Variants in SRPK2 observed in about 807,000 individuals in gnomAD.
SRPK2 encodes the protein SFRS protein kinase 2.
In SRPK2, 21 loss-of-function variants were observed where a neutral mutation model predicts 90.8. The observed-to-expected ratio is 0.23, with a 90% CI of 0.16 to 0.33. The LOEUF (loss-of-function observed/expected upper bound fraction) is 0.33, where lower values mean the gene tolerates loss of function less well. Ranked by LOEUF, SRPK2 falls within the 10% of genes least tolerant of loss-of-function variation. The pLI is 1.00. For synonymous variants in SRPK2, 288 were observed against 311.1 expected, an observed-to-expected ratio of 0.93 and a Z score of 0.78; for missense variants, 620 against 869.0, an observed-to-expected ratio of 0.71 and a Z score of 3.60.
intron 2 of SRPK2, chr7:105,302,173 G>A: frequency 2.1e-6 from 2 of 936,114 alleles, no homozygotes; most frequent in South Asian, 2.8e-5. Context: ...TGGTATTGAG[G>A]TGGCTTTTTA....
At chr7:105,247,128 C>T (rs541313826) in intron 2 of SRPK2, among the ~76,000 whole-genome samples, 13 of 152,270 alleles carry the variant, frequency 8.5e-5, no homozygotes, top group African/African-American at 2.6e-4. Flanking sequence ...GGCTTTTTAA[C>T]GACTGCACAA....
At chr7:105,311,994 T>C (rs556591417) in intron 2 of SRPK2, among the ~76,000 whole-genome samples, 62 of 152,336 alleles carry the variant, frequency 4.1e-4, no homozygotes, top group African/African-American at 1.3e-3. Flanking sequence ...GTGGTACATA[T>C]ATACAATGTA....
intron 10 of SRPK2, 64 bp downstream of exon 10, chr7:105,143,020 T>G: frequency 1.3e-6 from 2 of 1,561,262 alleles, no homozygotes; most frequent in Admixed American, 2.0e-5. Flanking sequence ...CATGTTGACC[T>G]GGCAGAACCC....
chr7:105,190,163 CT>C (rs760463804), intron 3 of SRPK2, among the ~76,000 whole-genome samples: 1 of 152,214 alleles, frequency 6.6e-6, no homozygotes. Flanking sequence ...CCTCTGGCGA[CT>C]TCCAGATCCA....
intron 11 of SRPK2, among the ~76,000 whole-genome samples, chr7:105,135,697 G>A (rs946625155): frequency 6.6e-6 from 1 of 151,950 alleles, no homozygotes; most frequent in Non-Finnish European, 1.5e-5. Flanking sequence ...CTCAGGAGCT[G>A]CTTAATTCAA....
At chr7:105,248,899 C>T (rs1256921347) in intron 2 of SRPK2, among the ~76,000 whole-genome samples, 1 of 150,972 alleles carries the variant, frequency 6.6e-6, no homozygotes, top group Non-Finnish European at 1.5e-5. Flanking sequence ...GCACTCCAGC[C>T]TGGGTGACAG....
intron 15 of SRPK2, among the ~76,000 whole-genome samples, chr7:105,118,823 A>G (rs980303549): frequency 2.0e-5 from 3 of 152,126 alleles, no homozygotes; most frequent in Non-Finnish European, 4.4e-5. Context: ...AGGCAGGAGC[A>G]TTGCTTGAGT....
Position 105,293,581 on chromosome 7 carries a change from G to A in SRPK2, c.72-89796C>T, listed in dbSNP as rs562368410. Among the ~76,000 whole-genome samples, 4 of 150,590 alleles carry A rather than the reference G, an allele frequency of 2.7e-5. No homozygotes were observed. The South Asian group carries it at 6.3e-4, about 24-fold the overall frequency. ...ACTACAGGAACCCACCATCACACTC[G>A]GCTGATTGTTGTATTTTTAGTAGAG... On this transcript the variant is annotated intron_variant, in intron 2 of 15. Coordinates refer to ENST00000393651, the MANE Select transcript of SRPK2 (RefSeq NM_182692.3).
intron 2 of SRPK2, among the ~76,000 whole-genome samples, chr7:105,257,483 C>T (rs1289716770): frequency 6.6e-6 from 1 of 152,218 alleles, no homozygotes; most frequent in African/African-American, 2.4e-5. Context: ...TTGAATTACA[C>T]TGAATCAAAT....
chr7:105,176,703 ATGTG>A (rs1486857868), intron 3 of SRPK2, among the ~76,000 whole-genome samples: 11 of 39,992 alleles, frequency 2.8e-4, no homozygotes, highest in South Asian at 1.3e-3. Context: ...ATATATATGT[ATGTG>A]TATGTGTGTG....
At chr7:105,172,924 G>A (rs546741403) in intron 3 of SRPK2, among the ~76,000 whole-genome samples, 52 of 152,260 alleles carry the variant, frequency 3.4e-4, no homozygotes, top group African/African-American at 9.9e-4. Context: ...TCAATTAGCC[G>A]AAGTGTATAC....
intron 2 of SRPK2, among the ~76,000 whole-genome samples, chr7:105,228,118 T>G (rs1242700192): frequency 2.6e-5 from 4 of 152,194 alleles, no homozygotes; most frequent in Non-Finnish European, 5.9e-5. Flanking sequence ...CTTGGCTCAC[T>G]GCAACCTCCA....
intron 4 of SRPK2, among the ~76,000 whole-genome samples, chr7:105,168,596 CTT>C (rs1249082636): frequency 1.3e-5 from 2 of 152,088 alleles, no homozygotes; most frequent in East Asian, 3.9e-4. Context: ...AAGACAATCT[CTT>C]TTATGTTTTG....
intron 3 of SRPK2, among the ~76,000 whole-genome samples, chr7:105,196,875 C>T (rs1270841042): frequency 6.6e-6 from 1 of 151,970 alleles, no homozygotes; most frequent in African/African-American, 2.4e-5. Flanking sequence ...CATGGTGAAA[C>T]CTCATCTCTA....
At chr7:105,342,694 G>A (rs923823445) in intron 2 of SRPK2, among the ~76,000 whole-genome samples, 5 of 151,996 alleles carry the variant, frequency 3.3e-5, no homozygotes, top group Admixed American at 3.3e-4. Flanking sequence ...CCGTATATAC[G>A]CTGCTTTTCT....
intron 11 of SRPK2, among the ~76,000 whole-genome samples, chr7:105,140,696 C>T (rs1803612303): frequency 6.6e-6 from 1 of 152,162 alleles, no homozygotes; most frequent in Admixed American, 6.5e-5. Context: ...GGCGCGGTGG[C>T]TCACGCCTGT....
intron 2 of SRPK2, among the ~76,000 whole-genome samples, chr7:105,370,603 AT>A (rs1018720050): frequency 2.5e-4 from 36 of 146,430 alleles, no homozygotes; most frequent in African/African-American, 7.2e-4. Context: ...TTTTTAATTA[AT>A]TTTTTTTCTT....
intron 2 of SRPK2, among the ~76,000 whole-genome samples, chr7:105,333,594 G>A (rs1814699706): frequency 2.0e-5 from 3 of 152,178 alleles, no homozygotes; most frequent in Non-Finnish European, 2.9e-5. Context: ...AGTATGTCCT[G>A]AGAGCCAATC....
intron 2 of SRPK2, among the ~76,000 whole-genome samples, 149 bp downstream of exon 2, chr7:105,388,488 CCCCCCGGGCCG>C (rs1821919503): frequency 6.8e-6 from 1 of 146,684 alleles, no homozygotes; most frequent in Admixed American, 6.7e-5. Flanking sequence ...CGCCGCCCCT[CCCCCCGGGCCG>C]CCCGCCGGGG....
Sources: gnomAD v4.1 joint callset for allele counts (sites outside exome capture counted in the v4.1 genomes callset) on GRCh38, gnomAD v4.1.1 for gene constraint, MANE v1.5 for transcripts, NCBI Gene and HGNC (gene_info 2026-07-23, HGNC 2026-07-21) for gene names.